The following OR5BS1 variants were observed in gnomAD, a reference collection of about 807,000 sequenced individuals.
OR5BS1 encodes olfactory receptor family 5 subfamily BS member 1.
At chr12:48,562,256 C>T in the OR5BS1 span, among the ~76,000 whole-genome samples, 1 of 152,120 alleles carries the variant, frequency 6.6e-6, no homozygotes, top group Non-Finnish European at 1.5e-5. Context: ...GGCAAGGATT[C>T]TGAGGGTAAT....
At chr12:48,560,812 T>A in the OR5BS1 span, among the ~76,000 whole-genome samples, 2 of 152,200 alleles carry the variant, frequency 1.3e-5, no homozygotes, top group Non-Finnish European at 1.5e-5. Flanking sequence ...TTGTAAAGAA[T>A]CTATTTTCAG....
At chr12:48,559,909 A>G in the OR5BS1 span, 1 of 401,392 alleles carries the variant, frequency 2.5e-6, no homozygotes, top group East Asian at 3.6e-5. Flanking sequence ...GACCACAGTC[A>G]CTGTGTTTAT....
chr12:48,561,408 T>C, the OR5BS1 span, among the ~76,000 whole-genome samples: 1 of 152,174 alleles, frequency 6.6e-6, no homozygotes, highest in Admixed American at 6.5e-5. Context: ...CCAATTTGAG[T>C]ATCCATCACA....
At chr12:48,562,476 AT>A in the OR5BS1 span, among the ~76,000 whole-genome samples, 4 of 152,084 alleles carry the variant, frequency 2.6e-5, no homozygotes, top group Non-Finnish European at 4.4e-5. Flanking sequence ...TATTCATTCT[AT>A]TTTTTTGTTT....
At chr12:48,562,840 G>A in the OR5BS1 span, 87 of 402,034 alleles carry the variant, frequency 2.2e-4, no homozygotes, top group East Asian at 1.8e-4. Flanking sequence ...AGTGCTCTCC[G>A]TGCAGTACAG....
the OR5BS1 span, among the ~76,000 whole-genome samples, chr12:48,561,391 C>T: frequency 3.9e-5 from 6 of 152,294 alleles, 1 homozygote; most frequent in Admixed American, 3.3e-4. Flanking sequence ...TGCTTTACAT[C>T]GCCAAGCCAA....
the OR5BS1 span, chr12:48,560,445 C>T: frequency 7.5e-6 from 3 of 401,514 alleles, no homozygotes; most frequent in Admixed American, 4.4e-5. Context: ...TCTTATTGAC[C>T]TGTTCTGACC....
the OR5BS1 span, chr12:48,560,457 C>G: frequency 2.5e-6 from 1 of 401,704 alleles, no homozygotes; most frequent in Non-Finnish European, 4.4e-6. Flanking sequence ...GTTCTGACCC[C>G]TGCGCTAGCA....
chr12:48,562,111 A>T, the OR5BS1 span, among the ~76,000 whole-genome samples: 1 of 152,198 alleles, frequency 6.6e-6, no homozygotes, highest in Non-Finnish European at 1.5e-5. Flanking sequence ...TTTTAATCTT[A>T]TTATTTTGGA....
At chr12:48,560,708 G>T in the OR5BS1 span, 8 of 399,978 alleles carry the variant, frequency 2.0e-5, no homozygotes, top group Non-Finnish European at 3.5e-5. Context: ...TACCCTAAGT[G>T]GTCTCCGTTG....
the OR5BS1 span, chr12:48,560,111 T>G: frequency 2.5e-6 from 1 of 402,340 alleles, no homozygotes; most frequent in African/African-American, 2.0e-5. Flanking sequence ...TCCTCAATTA[T>G]TGTGCCTAAA....
At chr12:48,561,285 T>C in the OR5BS1 span, among the ~76,000 whole-genome samples, 1 of 152,298 alleles carries the variant, frequency 6.6e-6, no homozygotes, top group South Asian at 2.1e-4. Flanking sequence ...ATAAAACCTT[T>C]CTTTGAAACA....
chr12:48,562,534 T>C, the OR5BS1 span, among the ~76,000 whole-genome samples: 1 of 152,216 alleles, frequency 6.6e-6, no homozygotes, highest in Non-Finnish European at 1.5e-5. Context: ...ACCTGCAACA[T>C]TTGATATGCT....
the OR5BS1 span, chr12:48,562,910 T>G: frequency 2.5e-6 from 1 of 401,622 alleles, no homozygotes. Context: ...GAGGTAAAGG[T>G]GGCTCTGAGG....
the OR5BS1 span, chr12:48,560,016 G>A: frequency 2.5e-6 from 1 of 402,734 alleles, no homozygotes; most frequent in African/African-American, 2.1e-5. Context: ...ACCTGCTGAT[G>A]GTGCTGGTGA....
chr12:48,561,258 T>C, the OR5BS1 span, among the ~76,000 whole-genome samples: 1 of 152,230 alleles, frequency 6.6e-6, no homozygotes, highest in African/African-American at 2.4e-5. Flanking sequence ...AGATTTTTAA[T>C]CAGTGTTAGA....
the OR5BS1 span, chr12:48,560,303 G>A: frequency 2.5e-6 from 1 of 401,494 alleles, no homozygotes. Flanking sequence ...AGGAGGGTGT[G>A]TGCTGGCCTG....
the OR5BS1 span, chr12:48,560,732 T>C: frequency 1.0e-5 from 4 of 399,238 alleles, no homozygotes; most frequent in Non-Finnish European, 1.8e-5. Context: ...GAAGAGAGCA[T>C]TACAAAATAG....
the OR5BS1 span, chr12:48,560,192 T>G: frequency 2.5e-6 from 1 of 401,352 alleles, no homozygotes; most frequent in Non-Finnish European, 4.4e-6. Flanking sequence ...ATCTCCCTGG[T>G]CATATTTTCT....
Sources: gnomAD v4.1 joint callset for allele counts (sites outside exome capture counted in the v4.1 genomes callset) on GRCh38, gnomAD v4.1.1 for gene constraint, MANE v1.5 for transcripts, NCBI Gene and HGNC (gene_info 2026-07-23, HGNC 2026-07-21) for gene names.